PUDP: variants seen among roughly 807,000 people sequenced by gnomAD.
PUDP encodes the protein pseudouridine-5'-phosphatase.
PUDP carries 8 observed loss-of-function variants against 9.4 expected under a neutral mutation model. The observed-to-expected ratio is 0.85, with a 90% CI of 0.50 to 1.53. The LOEUF is 1.53. Among genes scored for constraint, PUDP ranks in the 40% most tolerant of loss-of-function variants. The pLI is 0.00. For missense variants in PUDP, 188 were observed against 189.7 expected (o/e 0.99, Z 0.05); for synonymous variants, 99 against 80.7 (o/e 1.23, Z -1.22).
intron 3 of PUDP, among the ~76,000 whole-genome samples, chrX:6,781,397 C>T (rs1602616842): frequency 8.9e-6 from 1 of 111,809 alleles, no homozygotes; most frequent in African/African-American, 3.3e-5. Flanking sequence ...ATCTGTGTCA[C>T]ATGATGACTT....
At chrX:6,982,875 G>A (rs1344776270) in intron 1 of PUDP, among the ~76,000 whole-genome samples, 2 of 112,503 alleles carry the variant, frequency 1.8e-5, no homozygotes, top group African/African-American at 6.5e-5. Flanking sequence ...TTCTCTCACT[G>A]TCATACTTTT....
At position 7,118,372 on chromosome X, in the gene PUDP, C is replaced by G. The variant is rs1932252634; in HGVS notation, c.62-12534G>C. ...GTCCAAAAACACAAAATATATTCCT[C>G]TCTTTTAGGTTTTCTGCAATCTCCA... is the stretch of plus-strand genomic sequence containing the variant. On this transcript the variant is annotated intron_variant, in intron 1 of 3. Coordinates refer to ENST00000381077, the MANE Select transcript of PUDP (RefSeq NM_012080.5). Among the ~76,000 whole-genome samples the G allele has an allele frequency of 3.6e-5, 4 of 112,101 alleles. No individual in the cohort carries two copies. The South Asian group carries it at 1.5e-3, about 41-fold the overall frequency.
chrX:6,989,918 G>C (rs978841882), intron 1 of PUDP: 10 of 111,456 alleles, frequency 9.0e-5, no homozygotes, highest in African/African-American at 3.3e-4. Flanking sequence ...GGTTATGTTC[G>C]GAGCTAGCAG....
rs369966783 is a variant in PUDP, at chrX:6,755,876, C to CA, written c.*248-49411dup. 5.6e-3 allele frequency among the ~76,000 whole-genome samples: 554 copies of CA among 98,167 alleles called. 4 individuals are homozygous for CA. Among genetic ancestry groups the CA allele is most frequent in the East Asian group, 0.037 (119 of 3,188 alleles). The allele number at this position is 98,167 out of a possible 115,157, so 85.2% of individuals were successfully genotyped here. A position where few individuals can be genotyped will look rare whatever the true frequency, so the allele number is the denominator to read the frequency against. On this transcript the variant is annotated intron_variant and NMD_transcript_variant, in intron 3 of 3. Coordinates refer to the PUDP transcript ENST00000655425. The stretch of plus-strand genomic sequence containing the variant: ...AGGCATCCAAGTGGGATTAAAGGAA[C>CA]AAAAAAAAAAATAATGAGTTACGAC...
rs201396229 is a variant in PUDP, at chrX:6,866,257, GT to G, written c.*247+110875del. Among the ~76,000 whole-genome samples the G allele has an allele frequency of 8.7e-3, 872 of 100,384 alleles. 13 individuals are homozygous for G. Among genetic ancestry groups the G allele is most frequent in the African/African-American group, 0.028 (781 of 27,834 alleles). The allele number at this position is 100,384 out of a possible 115,157, so 87.2% of individuals were successfully genotyped here. A position where few individuals can be genotyped will look rare whatever the true frequency, so the allele number is the denominator to read the frequency against. On this transcript the variant is annotated intron_variant and NMD_transcript_variant, in intron 3 of 3. Transcript: ENST00000655425. ...TTTTTTTTTTAATTTAAAATTTATG[GT>G]TTTTTTTTTTGTATTACTTACATTA... is the stretch of plus-strand genomic sequence containing the variant.
chrX:7,071,138 T>A (rs978895000), intron 3 of PUDP, among the ~76,000 whole-genome samples: 2 of 112,049 alleles, frequency 1.8e-5, no homozygotes, highest in African/African-American at 6.5e-5. Context: ...TTTTTTTAAA[T>A]CTAGGAAAGA....
At chrX:6,751,128 T>C (rs1367224981) in intron 3 of PUDP, among the ~76,000 whole-genome samples, 1 of 98,371 alleles carries the variant, frequency 1.0e-5, no homozygotes, top group Non-Finnish European at 2.0e-5. Context: ...GGTGACAGAG[T>C]GAGAATCCGT....
intron 1 of PUDP, among the ~76,000 whole-genome samples, chrX:7,038,432 G>A (rs775076008): frequency 1.3e-4 from 15 of 111,995 alleles, no homozygotes; most frequent in Non-Finnish European, 2.6e-4. Context: ...AACACATAGG[G>A]GGTTCTTTTC....
intron 1 of PUDP, among the ~76,000 whole-genome samples, chrX:6,713,153 C>G (rs988332570): frequency 8.9e-6 from 1 of 112,382 alleles, no homozygotes; most frequent in Admixed American, 9.4e-5. Flanking sequence ...ATCTTCACAT[C>G]CCCCACAATT....
chrX:6,791,177 G>A (rs1056303867), intron 3 of PUDP, among the ~76,000 whole-genome samples: 1 of 109,561 alleles, frequency 9.1e-6, no homozygotes, highest in Non-Finnish European at 1.9e-5. Flanking sequence ...GCAACATGGT[G>A]AGACCCTGTA....
intron 3 of PUDP, among the ~76,000 whole-genome samples, chrX:6,798,438 C>T (rs984738822): frequency 8.9e-6 from 1 of 111,814 alleles, no homozygotes; most frequent in African/African-American, 3.3e-5. Flanking sequence ...AATGCATAAT[C>T]TCTTCCAAAT....
chrX:6,871,150 C>A (rs1016780953), intron 3 of PUDP, among the ~76,000 whole-genome samples: 23 of 112,011 alleles, frequency 2.1e-4, no homozygotes, highest in African/African-American at 7.5e-4. Context: ...CCCTTTACCA[C>A]AAGGCAGGGC....
At chrX:7,061,776 T>C (rs1220036827) in intron 3 of PUDP, among the ~76,000 whole-genome samples, 1 of 111,867 alleles carries the variant, frequency 8.9e-6, no homozygotes, top group African/African-American at 3.3e-5. Context: ...TCTTTAAATA[T>C]GCCCTCCCAC....
intron 3 of PUDP, among the ~76,000 whole-genome samples, chrX:6,929,983 C>T (rs1303515135): frequency 9.0e-6 from 1 of 110,956 alleles, no homozygotes; most frequent in East Asian, 2.8e-4. Flanking sequence ...CCTTCTGCAC[C>T]AGGCCATGGT....
chrX:6,719,097 C>A (rs757584405), intron 1 of PUDP, among the ~76,000 whole-genome samples: 40 of 111,396 alleles, frequency 3.6e-4, no homozygotes, highest in Admixed American at 1.1e-3. Flanking sequence ...CTGAGGCTGC[C>A]ATGACAAACT....
chrX:6,775,251 T>C (rs1195705394), intron 3 of PUDP, among the ~76,000 whole-genome samples: 2 of 112,223 alleles, frequency 1.8e-5, no homozygotes, highest in Admixed American at 9.5e-5. Flanking sequence ...AATTTTTTAA[T>C]CTATATTGTA....
intron 3 of PUDP, among the ~76,000 whole-genome samples, chrX:6,786,727 T>C (rs1316871705): frequency 8.9e-6 from 1 of 112,025 alleles, no homozygotes; most frequent in Non-Finnish European, 1.9e-5. Flanking sequence ...ATATGAACTT[T>C]CCTGCCTCTT....
chrX:6,964,234 T>A (rs1282370523), intron 3 of PUDP, among the ~76,000 whole-genome samples: 1 of 112,520 alleles, frequency 8.9e-6, no homozygotes. Flanking sequence ...TATGTCTTAT[T>A]TTCTGGAAAA....
rs1201149826 is a variant in PUDP at position 6,799,676 on chromosome X, A to G, written c.*248-93210T>C. ...AACATGGAGAAACCCAGTCTCTACT[A>G]AAAATACAAAATTAGCCAGACGTGG... On this transcript the variant is annotated intron_variant and NMD_transcript_variant, in intron 3 of 3. Coordinates refer to the PUDP transcript ENST00000655425. Among the ~76,000 whole-genome samples the G allele has an allele frequency of 3.6e-5, 4 of 111,506 alleles. No homozygotes were observed. In the South Asian group the frequency reaches 1.5e-3, roughly 43 times the overall value.
Sources: gnomAD v4.1 joint callset for allele counts (sites outside exome capture counted in the v4.1 genomes callset) on GRCh38, gnomAD v4.1.1 for gene constraint, MANE v1.5 for transcripts, NCBI Gene and HGNC (gene_info 2026-07-23, HGNC 2026-07-21) for gene names.